PARP16: variants seen among roughly 807,000 people sequenced by gnomAD.
PARP16 encodes the protein poly(ADP-ribose) polymerase family member 16.
PARP16 carries 31 observed loss-of-function variants against 35.0 expected under a neutral mutation model. That is an observed-to-expected ratio of 0.88 (90% CI 0.66 to 1.19). The LOEUF (loss-of-function observed/expected upper bound fraction) is 1.19. Among genes scored for constraint, PARP16 ranks in the 50% most tolerant of loss-of-function variants. The pLI is 0.00. For synonymous variants in PARP16, 162 were observed against 169.5 expected (o/e 0.96, Z 0.34); for missense variants, 424 against 411.2 (o/e 1.03, Z -0.27).
intron 1 of PARP16, among the ~76,000 whole-genome samples, chr15:65,278,165 G>A (rs1329266041): frequency 2.6e-5 from 4 of 152,138 alleles, no homozygotes; most frequent in South Asian, 2.1e-4. Context: ...AATGAGTAAC[G>A]GGAGCCCGGG....
chr15:65,233,878 A>G (rs1328658981), downstream of PARP16, among the ~76,000 whole-genome samples: 1 of 152,108 alleles, frequency 6.6e-6, no homozygotes, highest in Non-Finnish European at 1.5e-5. Flanking sequence ...TGGCCTGAGT[A>G]TTCCTTACTT....
chr15:65,254,156 C>T (rs1352077384), downstream of PARP16, among the ~76,000 whole-genome samples: 1 of 152,150 alleles, frequency 6.6e-6, no homozygotes, highest in Non-Finnish European at 1.5e-5. Flanking sequence ...AGTCTAGCCC[C>T]GTGGCTGATA....
At chr15:65,269,035 G>T (rs72729102) in intron 2 of PARP16, among the ~76,000 whole-genome samples, 2 of 151,898 alleles carry the variant, frequency 1.3e-5, no homozygotes, top group Non-Finnish European at 2.9e-5. Context: ...AATTACAGGC[G>T]TGAGCTTGTA....
rs139947584 is a variant in PARP16 at position 65,278,030 on chromosome 15, A to G, written c.175-6958T>C. 6.8e-3 allele frequency among the ~76,000 whole-genome samples: 1,033 copies of G among 152,292 alleles called. 6 individuals carry two copies. Among genetic ancestry groups the G allele is most frequent in the Non-Finnish European group, 0.011 (762 of 68,014 alleles). ...AAGAGGAAGGCAGGTATTTCCAGGGATGGGGAGGGTTTCCCACTCCAGGTG... is the reference window on the plus strand; with the variant it reads ...AAGAGGAAGGCAGGTATTTCCAGGGGTGGGGAGGGTTTCCCACTCCAGGTG... On this transcript the variant is annotated intron_variant, in intron 1 of 5. Coordinates refer to ENST00000649807, the MANE Select transcript of PARP16 (RefSeq NM_001316943.2).
At chr15:65,281,170 C>G (rs1408040339) in intron 1 of PARP16, among the ~76,000 whole-genome samples, 1 of 152,150 alleles carries the variant, frequency 6.6e-6, no homozygotes, top group African/African-American at 2.4e-5. Context: ...AAAAACTGTA[C>G]AGCTGCGACT....
intron 1 of PARP16, among the ~76,000 whole-genome samples, chr15:65,272,263 G>C (rs1020830480): frequency 6.6e-6 from 1 of 152,190 alleles, no homozygotes; most frequent in African/African-American, 2.4e-5. Context: ...GATGTCCCGT[G>C]GGACCTGTGA....
Position 65,259,385 on chromosome 15 carries a change from C to T in PARP16, c.*22G>A, listed in dbSNP as rs771183925. 52 of 1,613,544 alleles carry T rather than the reference C, an allele frequency of 3.2e-5. No individual in the cohort carries two copies. The highest frequency in any genetic ancestry group is 4.5e-5 in the East Asian group (2 of 44,890). Reference sequence around the variant, plus strand: ...CCATAAGGCACATAGTTGAGGTAGCCCCCACACCAGGCCCAGAAAGATTAT... The same window carrying T: ...CCATAAGGCACATAGTTGAGGTAGCTCCCACACCAGGCCCAGAAAGATTAT... On this transcript the variant is annotated 3_prime_UTR_variant, in exon 6 of 6. Coordinates refer to ENST00000649807, the MANE Select transcript of PARP16 (RefSeq NM_001316943.2).
At chr15:65,247,597 C>A (rs1259989871) in intron 3 of PARP16, among the ~76,000 whole-genome samples, 1 of 152,120 alleles carries the variant, frequency 6.6e-6, no homozygotes. Flanking sequence ...CTAAGCTGAG[C>A]ACAGGACTAG....
chr15:65,274,640 C>A (rs2090195253), intron 1 of PARP16, among the ~76,000 whole-genome samples: 1 of 151,864 alleles, frequency 6.6e-6, no homozygotes, highest in South Asian at 2.1e-4. Context: ...TATTTCTATG[C>A]CTTGCTTACT....
At chr15:65,248,234 G>A (rs557414525) in intron 2 of PARP16, 1 of 456,488 alleles carries the variant, frequency 2.2e-6, no homozygotes, top group South Asian at 1.5e-5. Flanking sequence ...AGTGCCTAGT[G>A]TGGGGACAAT....
intron 1 of PARP16, among the ~76,000 whole-genome samples, chr15:65,280,754 C>T (rs916414321): frequency 2.6e-5 from 4 of 151,978 alleles, no homozygotes; most frequent in Non-Finnish European, 5.9e-5. Context: ...AACCCAGACA[C>T]TGGGGAGTCA....
chr15:65,257,887 G>A (rs4414442), downstream of PARP16, among the ~76,000 whole-genome samples: 147,669 of 152,252 alleles, frequency 0.97, 71,746 homozygotes, highest in East Asian at 1. Flanking sequence ...GATCCTGCTC[G>A]TATTCCTAGT....
chr15:65,239,452 A>AAAAAAAAAAAAAAAAAAAAAAAAAG (rs34910178), intron 3 of PARP16, among the ~76,000 whole-genome samples: 1 of 113,038 alleles, frequency 8.8e-6, no homozygotes, highest in Non-Finnish European at 1.9e-5. Context: ...AAAAAAAAAA[A>AAAAAAAAAAAAAAAAAAAAAAAAAG]AGAGAGAAAA....
chr15:65,267,684 T>TA, intron 2 of PARP16, among the ~76,000 whole-genome samples: 1 of 26,184 alleles, frequency 3.8e-5, no homozygotes, highest in Non-Finnish European at 9.8e-5. Flanking sequence ...CTAACTTTTT[T>TA]TTTTTTTTTT....
chr15:65,267,482 C>T (rs1250870549), intron 2 of PARP16, among the ~76,000 whole-genome samples: 1 of 150,816 alleles, frequency 6.6e-6, no homozygotes, highest in Non-Finnish European at 1.5e-5. Flanking sequence ...TGGTGGGCGC[C>T]TGTAGTCCCA....
intron 2 of PARP16, 70 bp from the exon 3 acceptor site, chr15:65,266,838 A>G: frequency 8.9e-7 from 1 of 1,125,372 alleles, no homozygotes; most frequent in South Asian, 1.3e-5. Context: ...ATAGCCCCCT[A>G]AACTCTCAGG....
At chr15:65,250,319 T>C (rs538863913) in intron 2 of PARP16, among the ~76,000 whole-genome samples, 1 of 151,864 alleles carries the variant, frequency 6.6e-6, no homozygotes, top group South Asian at 2.1e-4. Context: ...GGTTTCACCA[T>C]GTTGGCCAGG....
At chr15:65,270,450 T>C (rs1463691416) in intron 2 of PARP16, among the ~76,000 whole-genome samples, 1 of 152,184 alleles carries the variant, frequency 6.6e-6, no homozygotes, top group African/African-American at 2.4e-5. Flanking sequence ...TGCCTCTCCA[T>C]CTCCTGATAA....
chr15:65,283,130 T>C (rs1003457838), intron 1 of PARP16, among the ~76,000 whole-genome samples: 2 of 152,114 alleles, frequency 1.3e-5, no homozygotes, highest in African/African-American at 2.4e-5. Context: ...GATATGTTTC[T>C]TGGTAAAAAT....
Sources: allele counts gnomAD v4.1 joint callset (sites outside exome capture counted in the v4.1 genomes callset), GRCh38; gene constraint gnomAD v4.1.1; transcripts MANE v1.5; gene names NCBI Gene and HGNC (gene_info 2026-07-23, HGNC 2026-07-21).